Variants in MROH9 observed in about 807,000 individuals in gnomAD.
MROH9 encodes maestro heat-like repeat-containing protein family member 9.
A neutral mutation model predicts 98.2 loss-of-function variants in MROH9; 92 were observed. That is an observed-to-expected ratio of 0.94 (90% CI 0.79 to 1.11). MROH9 has a LOEUF of 1.11. MROH9 is among the 50% of genes most tolerant of loss of function. The pLI is 0.00. For missense variants in MROH9, 1,057 were observed against 1,014.8 expected (o/e 1.04, Z -0.57); for synonymous variants, 397 against 368.9 (o/e 1.08, Z -0.87).
At chr1:170,982,941 A>T (rs1278566123) in intron 8 of MROH9, among the ~76,000 whole-genome samples, 3 of 152,196 alleles carry the variant, frequency 2.0e-5, no homozygotes, top group African/African-American at 7.2e-5. Flanking sequence ...AATGTCAATT[A>T]TATCTCTATA....
At chr1:171,046,532 C>T (rs1571165649) in intron 20 of MROH9, among the ~76,000 whole-genome samples, 1 of 152,264 alleles carries the variant, frequency 6.6e-6, no homozygotes, top group East Asian at 1.9e-4. Context: ...CTGTTAACAA[C>T]ACTATTTGCA....
chr1:171,000,287 A>G (rs1469593069), intron 15 of MROH9, among the ~76,000 whole-genome samples: 1 of 151,530 alleles, frequency 6.6e-6, no homozygotes, highest in African/African-American at 2.4e-5. Context: ...TTTTTTTCCA[A>G]TGTTATCTTT....
intron 20 of MROH9, among the ~76,000 whole-genome samples, chr1:171,053,117 C>T (rs1653721888): frequency 6.6e-6 from 1 of 152,178 alleles, no homozygotes; most frequent in Admixed American, 6.5e-5. Context: ...TGCTCTAGTT[C>T]TGCAGCAAGA....
At chr1:171,057,997 A>G (rs1047920284) in intron 20 of MROH9, among the ~76,000 whole-genome samples, 2 of 152,176 alleles carry the variant, frequency 1.3e-5, no homozygotes, top group African/African-American at 4.8e-5. Context: ...ATATTCTTTC[A>G]GGCAAGAGAA....
chr1:170,939,204 C>T lies in MROH9; in HGVS notation c.-38+3617C>T, dbSNP rs76000942. On this transcript the variant is annotated intron_variant, in intron 1 of 21. Transcript: ENST00000367759. ...TCTTCATCAATTTTCCAATCATGTT[C>T]CTTCCAAGTTTCTGACCATCTAGAA... Among the ~76,000 whole-genome samples the T allele has an allele frequency of 3.4e-3, 524 of 152,356 alleles. 6 individuals are homozygous for T. The highest frequency in any genetic ancestry group is 0.012 in the African/African-American group (488 of 41,574).
At chr1:170,947,440 T>C (rs914421555) in intron 2 of MROH9, 87 bp from the exon 3 acceptor site, 9 of 1,074,678 alleles carry the variant, frequency 8.4e-6, no homozygotes, top group African/African-American at 4.7e-5. Flanking sequence ...AAGGTCATAG[T>C]AGCTTCAGGT....
intron 15 of MROH9, among the ~76,000 whole-genome samples, chr1:171,010,153 G>A (rs942252133): frequency 1.3e-5 from 2 of 152,010 alleles, no homozygotes; most frequent in African/African-American, 4.8e-5. Flanking sequence ...TTATGTCCAT[G>A]TGTTCTCATT....
Position 171,060,515 on chromosome 1 carries a change from C to T in MROH9, c.2282-1617C>T, listed in dbSNP as rs377714764. Among the ~76,000 whole-genome samples the T allele has an allele frequency of 1.1e-4, 17 of 152,276 alleles. No homozygotes were observed. The South Asian group carries it at 1.5e-3, about 13-fold the overall frequency. On this transcript the variant is annotated intron_variant, in intron 20 of 21. Transcript: ENST00000367759. ...TTAAAGAGGAACTAGAGTTGAAGGA[C>T]TTATACCATGGGATATCAAGATGCA... is the stretch of plus-strand genomic sequence containing the variant.
intron 12 of MROH9, among the ~76,000 whole-genome samples, chr1:170,994,586 A>G (rs983692202): frequency 1.3e-5 from 2 of 152,122 alleles, no homozygotes; most frequent in African/African-American, 4.8e-5. Flanking sequence ...CCATCCCGTC[A>G]AGCATTTATT....
intron 21 of MROH9, 55 bp from the exon 22 acceptor site, chr1:171,064,043 CT>C (rs1490290740): frequency 1.2e-5 from 18 of 1,485,554 alleles, no homozygotes; most frequent in Non-Finnish European, 1.5e-5. Context: ...AGTATTAAAG[CT>C]TCATGGCCTC....
intron 8 of MROH9, 72 bp downstream of exon 8, chr1:170,971,955 G>A: frequency 1.3e-6 from 2 of 1,508,984 alleles, no homozygotes; most frequent in Non-Finnish European, 9.1e-7. Flanking sequence ...TATAGGTCCT[G>A]GGAAGGCTCT....
In MROH9 at chr1:171,024,498, T is replaced by C. The variant is rs1028519481; in HGVS notation, c.2012T>C (p.Leu671Ser). 24 of 1,546,796 alleles carry C rather than the reference T, an allele frequency of 1.6e-5. No homozygotes were observed. The highest frequency in any genetic ancestry group is 1.1e-4 in the African/African-American group (8 of 72,808). ...WMVNDVVLEG[L>S]VPLILFLEDD... is the part of the protein sequence containing the mutation. ...GTGAATGATGTGGTTCTAGAAGGCT[T>C]GGTGCCCCTAATCCTATTTTTGGAG... The change falls in exon 18 of 22, where the codon TTG (leucine) becomes TCG (serine). Residue 671 changes from leucine (L) to serine (S), a missense_variant. Transcript: ENST00000367759.
At chr1:170,947,111 A>G (rs1179099013) in intron 2 of MROH9, among the ~76,000 whole-genome samples, 1 of 151,958 alleles carries the variant, frequency 6.6e-6, no homozygotes, top group East Asian at 1.9e-4. Flanking sequence ...TATCTATCAC[A>G]TTAAGACATG....
At chr1:171,004,807 G>A (rs1427576613) in intron 15 of MROH9, among the ~76,000 whole-genome samples, 1 of 151,904 alleles carries the variant, frequency 6.6e-6, no homozygotes, top group African/African-American at 2.4e-5. Context: ...TTATTTCTGA[G>A]CACTCTGTTC....
chr1:170,956,595 G>T (rs72710530), intron 3 of MROH9, among the ~76,000 whole-genome samples: 2,165 of 103,938 alleles, frequency 0.021, 17 homozygotes, highest in African/African-American at 0.047. Flanking sequence ...TTTTTTTTTT[G>T]TTTTTTTTTT....
rs1351026495 is a variant in MROH9, at chr1:170,996,629, T to G, written c.1460T>G (p.Val487Gly). ...GAAGATCTGTGTTACTATCATGGAG[T>G]CTGCTTTATTGCTAAGTAAGAACAG... ...LSEDLCYYHG[V>G]CFIAKTLSEY... Residue 487 changes from valine (V) to glycine (G), a missense_variant, in exon 14 of 22, where the codon GTC (valine) becomes GGC (glycine). By Grantham distance (109) the Val-to-Gly change is moderately radical (BLOSUM62 -3). Coordinates refer to ENST00000367759, the MANE Select transcript of MROH9 (RefSeq NM_001163629.2). The G allele has an allele frequency of 3.7e-6, 6 of 1,613,392 alleles. No individual in the cohort carries two copies. Among genetic ancestry groups the G allele is most frequent in the Non-Finnish European group, 5.1e-6 (6 of 1,179,554 alleles).
At chr1:171,029,795 T>A (rs983174068) in intron 20 of MROH9, among the ~76,000 whole-genome samples, 2 of 152,220 alleles carry the variant, frequency 1.3e-5, no homozygotes, top group African/African-American at 4.8e-5. Flanking sequence ...GGTATCAGAA[T>A]GATGCTGGCT....
chr1:170,937,256 GGAGAT>G (rs1435677050), intron 1 of MROH9, among the ~76,000 whole-genome samples: 1 of 152,142 alleles, frequency 6.6e-6, no homozygotes, highest in Non-Finnish European at 1.5e-5. Context: ...TCTCAGAGGA[GGAGAT>G]AAAGTCCTTC....
intron 20 of MROH9, among the ~76,000 whole-genome samples, chr1:171,031,690 C>T (rs954303240): frequency 1.3e-5 from 2 of 152,138 alleles, no homozygotes; most frequent in Non-Finnish European, 2.9e-5. Context: ...CCTGGCCATT[C>T]TCTCTGGCTG....
Sources: gnomAD v4.1 joint callset for allele counts (sites outside exome capture counted in the v4.1 genomes callset) on GRCh38, gnomAD v4.1.1 for gene constraint, MANE v1.5 for transcripts, NCBI Gene and HGNC (gene_info 2026-07-23, HGNC 2026-07-21) for gene names.